Variants in KDM2B observed in about 807,000 individuals in gnomAD.
KDM2B encodes the protein lysine demethylase 2B, also known as lysine-specific demethylase 2B.
A neutral mutation model predicts 150.0 loss-of-function variants in KDM2B; 26 were observed. The observed-to-expected ratio is 0.17, with a 90% confidence interval of 0.13 to 0.24. The LOEUF is 0.24. Ranked by LOEUF, KDM2B falls within the 10% of genes least tolerant of loss-of-function variation. The pLI, the probability that KDM2B is intolerant of heterozygous loss-of-function variation, is 1.00. For missense variants in KDM2B, 1,265 were observed against 1,816.9 expected, an observed-to-expected ratio of 0.70 and a Z score of 5.52; for synonymous variants, 734 against 729.5, an observed-to-expected ratio of 1.01 and a Z score of -0.10.
intron 1 of KDM2B, chr12:121,579,918 G>T: frequency 7.4e-7 from 1 of 1,353,660 alleles, no homozygotes; most frequent in Non-Finnish European, 9.5e-7. Flanking sequence ...TACAGAAAAG[G>T]AAAGAAAAGG....
intron 4 of KDM2B, among the ~76,000 whole-genome samples, chr12:121,571,026 C>G (rs147727282): frequency 6.6e-6 from 1 of 152,250 alleles, no homozygotes; most frequent in African/African-American, 2.4e-5. Context: ...TGAAGTACTG[C>G]CTCATGCTGC....
At chr12:121,551,344 CTTTTT>C (rs1176650753) in intron 4 of KDM2B, among the ~76,000 whole-genome samples, 4 of 130,930 alleles carry the variant, frequency 3.1e-5, no homozygotes, top group Non-Finnish European at 3.3e-5. Context: ...AGATTCCATT[CTTTTT>C]TTTTTTTTTT....
intron 4 of KDM2B, among the ~76,000 whole-genome samples, chr12:121,564,326 C>T (rs754627216): frequency 2.0e-5 from 3 of 150,366 alleles, no homozygotes; most frequent in Admixed American, 6.6e-5. Flanking sequence ...GGCGTGGTGG[C>T]GGGCACCTGA....
intron 3 of KDM2B, among the ~76,000 whole-genome samples, chr12:121,574,891 A>G (rs1555316651): frequency 6.6e-6 from 1 of 152,158 alleles, no homozygotes; most frequent in Non-Finnish European, 1.5e-5. Context: ...TGTGGGGTCA[A>G]AGGTAAGGGC....
chr12:121,484,490 T>G (rs1882531415), intron 12 of KDM2B, among the ~76,000 whole-genome samples: 2 of 152,110 alleles, frequency 1.3e-5, no homozygotes, highest in Non-Finnish European at 2.9e-5. Context: ...ACTTGGGCAC[T>G]CAAGGCCAGG....
chr12:121,453,978 G>A lies in KDM2B; in HGVS notation c.1735-634C>T, dbSNP rs1877792563. On this transcript the variant is annotated intron_variant, in intron 12 of 22. Transcript: ENST00000377071. This position sits in a 1 kb window ranked among gnomAD's most constrained non-coding sequence, Gnocchi z 6.4. The stretch of plus-strand genomic sequence containing the variant: ...CTGCTCCCCAAGAAAGACCGCAAGG[G>A]GCCACACAATCGGTCTCTGTTCCCC... Among the ~76,000 whole-genome samples the A allele has an allele frequency of 6.6e-6, 1 of 152,074 alleles. No individual in the cohort carries two copies. Among genetic ancestry groups the A allele is most frequent in the South Asian group, 2.1e-4 (1 of 4,824 alleles).
intron 12 of KDM2B, among the ~76,000 whole-genome samples, chr12:121,476,765 C>CCT (rs1881431145): frequency 1.3e-5 from 2 of 152,092 alleles, no homozygotes; most frequent in Non-Finnish European, 1.5e-5. Flanking sequence ...CTGCCATGGG[C>CCT]CTCTCTCTTC....
intron 2 of KDM2B, among the ~76,000 whole-genome samples, chr12:121,577,895 C>T (rs545674134): frequency 1.3e-4 from 20 of 152,220 alleles, no homozygotes; most frequent in Non-Finnish European, 1.5e-5. Context: ...CAACCCAGGG[C>T]GTCACCTTAA....
intron 4 of KDM2B, among the ~76,000 whole-genome samples, chr12:121,565,800 T>C (rs2136335356): frequency 6.6e-6 from 1 of 152,078 alleles, no homozygotes; most frequent in East Asian, 1.9e-4. Flanking sequence ...TTATTTTTTG[T>C]ATTTTTAGTA....
the KDM2B span, among the ~76,000 whole-genome samples, chr12:121,411,139 C>T: frequency 3.9e-5 from 6 of 152,172 alleles, no homozygotes; most frequent in African/African-American, 1.4e-4. Context: ...CTATGTTGCC[C>T]AGGCTGGTCT....
At chr12:121,436,243 C>G (rs923909275) in intron 22 of KDM2B, among the ~76,000 whole-genome samples, 1 of 152,176 alleles carries the variant, frequency 6.6e-6, no homozygotes, top group Non-Finnish European at 1.5e-5. Flanking sequence ...AAGTTGTGGC[C>G]GGACGCGGTG....
chr12:121,538,877 A>T (rs1376067845), intron 6 of KDM2B, among the ~76,000 whole-genome samples: 2 of 152,074 alleles, frequency 1.3e-5, no homozygotes, highest in African/African-American at 4.8e-5. Context: ...GGAGGAGTCC[A>T]GAGGTTACAG....
At position 121,513,310 on chromosome 12, in the gene KDM2B, G is replaced by T. The variant is rs782755685; in HGVS notation, c.1140C>A (p.Leu380=). 2 of 1,613,636 alleles carry T rather than the reference G, an allele frequency of 1.2e-6. No homozygotes were observed. The highest frequency in any genetic ancestry group is 2.2e-5 in the South Asian group (2 of 91,078). The change falls in exon 10 of 23, where the codon CTC becomes CTA. Residue 380 remains leucine (L), a synonymous_variant. Transcript: ENST00000377071. The surrounding 1 kb of genome is among the most constrained non-coding windows in gnomAD (Gnocchi z 5.0). ...TCGACTCCCTCTGGTATTCCTGAGT[G>T]AGGTGGGAGCGCTGGGTCACACAGT... is the stretch of plus-strand genomic sequence containing the variant. ...YVYCVTQRSH[L]TQEYQRESML... is the part of the protein sequence containing the mutation.
intron 2 of KDM2B, 145 bp downstream of exon 2, chr12:121,578,657 C>CCCCCCCCT: frequency 3.7e-6 from 1 of 272,358 alleles, no homozygotes. Context: ...CCACCCCACC[C>CCCCCCCCT]CCCCAGTGCT....
rs1555288712 is a variant in KDM2B at position 121,442,504 on chromosome 12, G to A, written c.2937C>T (p.Ser979=). Residue 979 remains serine (S), a synonymous_variant, in exon 19 of 23, where the codon AGC becomes AGT. Transcript: ENST00000377071. This position sits in a 1 kb window ranked among gnomAD's most constrained non-coding sequence, Gnocchi z 7.7. The part of the protein sequence containing the change: ...NQQPIKSEPE[S]EGEEPKRPPG... The stretch of plus-strand genomic sequence containing the variant: ...GGGGCCGCTTGGGCTCCTCGCCCTC[G>A]CTCTCAGGCTCCGACTTGATGGGCT... 6 of 1,599,420 alleles carry A rather than the reference G, an allele frequency of 3.8e-6. No homozygotes were observed. The highest frequency in any genetic ancestry group is 2.2e-5 in the East Asian group (1 of 44,874).
In KDM2B at chr12:121,545,490, T is replaced by A. The variant is rs566416473; in HGVS notation, c.683+3387A>T. Among the ~76,000 whole-genome samples, 8 of 152,288 alleles carry A rather than the reference T, an allele frequency of 5.3e-5. No individual in the cohort carries two copies. In the East Asian group the frequency reaches 1.5e-3, roughly 29 times the overall value. On this transcript the variant is annotated intron_variant, in intron 6 of 22. Coordinates refer to ENST00000377071, the MANE Select transcript of KDM2B (RefSeq NM_032590.5). The stretch of plus-strand genomic sequence containing the variant: ...AGAGCTTACTATTTAAAGGAATCTT[T>A]CAATAAAGTGCAGAATATGCTGAGT...
At chr12:121,438,749 C>G (rs1381007454) in intron 22 of KDM2B, among the ~76,000 whole-genome samples, 1 of 151,736 alleles carries the variant, frequency 6.6e-6, no homozygotes. Flanking sequence ...GAGAAAACAA[C>G]GTGTATGTCA....
In KDM2B at chr12:121,452,604, T is replaced by C. The variant is rs974672712; in HGVS notation, c.1959+516A>G. ...CCCGCGACCTCGCCCCGTTGCGAAG[T>C]CCATGTCCACTGCCCTGTCTGGGGA... On this transcript the variant is annotated intron_variant, in intron 13 of 22. Transcript: ENST00000377071. This position sits in a 1 kb window ranked among gnomAD's most constrained non-coding sequence, Gnocchi z 4.4. 1.3e-5 allele frequency among the ~76,000 whole-genome samples: 2 copies of C among 152,232 alleles called. No homozygotes were observed. The highest frequency in any genetic ancestry group is 6.5e-5 in the Admixed American group (1 of 15,290).
chr12:121,471,543 A>G (rs1555295910), intron 12 of KDM2B, among the ~76,000 whole-genome samples: 1 of 152,110 alleles, frequency 6.6e-6, no homozygotes, highest in Non-Finnish European at 1.5e-5. Flanking sequence ...GAGGAGGGAA[A>G]ACAGGAAGAC....
Sources: allele counts gnomAD v4.1 joint callset (sites outside exome capture counted in the v4.1 genomes callset), GRCh38; gene constraint gnomAD v4.1.1; non-coding constraint Gnocchi (gnomAD v3.1); transcripts MANE v1.5; gene names NCBI Gene and HGNC (gene_info 2026-07-23, HGNC 2026-07-21).